NEBL: variants seen among roughly 807,000 people sequenced by gnomAD.
The protein encoded by NEBL is nebulette, also known as LIM and SH3 protein 2.
NEBL carries 122 observed loss-of-function variants against 140.2 expected under a neutral mutation model. The observed-to-expected ratio is 0.87, with a 90% CI of 0.75 to 1.01. The LOEUF is 1.01. Among genes scored for constraint, NEBL ranks in the 50% least tolerant of loss-of-function variants. NEBL has a pLI of 0.00. For synonymous variants in NEBL, 436 were observed against 398.9 expected (o/e 1.09, Z -1.11); for missense variants, 1,365 against 1,231.3 (o/e 1.11, Z -1.62).
intron 2 of NEBL, among the ~76,000 whole-genome samples, chr10:21,034,721 A>G: frequency 6.6e-6 from 1 of 152,210 alleles, no homozygotes; most frequent in Non-Finnish European, 1.5e-5. Flanking sequence ...TCCAAATTTT[A>G]TACATTAAAT....
chr10:21,218,518 C>T (rs979414775), intron 3 of NEBL, among the ~76,000 whole-genome samples: 1 of 151,938 alleles, frequency 6.6e-6, no homozygotes, highest in African/African-American at 2.4e-5. Flanking sequence ...ATCAGACATG[C>T]TGTGTGGTAT....
chr10:21,156,668 C>T (rs561580733), intron 2 of NEBL, among the ~76,000 whole-genome samples: 2 of 151,960 alleles, frequency 1.3e-5, no homozygotes, highest in East Asian at 3.9e-4. Flanking sequence ...TTCACTCACT[C>T]TTGAAATACA....
intron 3 of NEBL, chr10:21,019,981 C>T (rs974623830): frequency 5.2e-6 from 4 of 774,402 alleles, no homozygotes; most frequent in Non-Finnish European, 4.6e-6. Context: ...ACCCGGAATT[C>T]CCACACAGGC....
intron 12 of NEBL, among the ~76,000 whole-genome samples, chr10:20,844,414 A>AAG (rs1841708061): frequency 6.6e-6 from 1 of 150,702 alleles, no homozygotes; most frequent in South Asian, 2.1e-4. Context: ...ATTACATGAT[A>AAG]TACTACATTT....
intron 3 of NEBL, among the ~76,000 whole-genome samples, chr10:21,223,679 T>C (rs755694962): frequency 6.6e-6 from 1 of 152,272 alleles, no homozygotes; most frequent in Non-Finnish European, 1.5e-5. Flanking sequence ...TGTATGAGGG[T>C]TCCCTTTTCT....
At chr10:20,869,602 AGGGG>A (rs942280849) in intron 6 of NEBL, 134 bp downstream of exon 6, 1 of 693,742 alleles carries the variant, frequency 1.4e-6, no homozygotes, top group Admixed American at 2.2e-5. Flanking sequence ...TAGATAATTT[AGGGG>A]GGGAAATTGA....
At chr10:21,104,426 T>A (rs1837617646) in intron 2 of NEBL, among the ~76,000 whole-genome samples, 1 of 152,220 alleles carries the variant, frequency 6.6e-6, no homozygotes, top group Non-Finnish European at 1.5e-5. Context: ...TTTTGTAGTT[T>A]CCAGTGTAGA....
chr10:20,878,286 G>A (rs1174041785), intron 5 of NEBL, among the ~76,000 whole-genome samples: 1 of 152,128 alleles, frequency 6.6e-6, no homozygotes, highest in Non-Finnish European at 1.5e-5. Flanking sequence ...GATTTTGGTG[G>A]AAACATAAAA....
At chr10:21,065,531 A>G (rs934732642) in intron 2 of NEBL, among the ~76,000 whole-genome samples, 1 of 152,216 alleles carries the variant, frequency 6.6e-6, no homozygotes, top group Non-Finnish European at 1.5e-5. Context: ...GAAGGTGTGA[A>G]GGAAGAAACT....
chr10:20,959,092 A>G (rs1304853793), intron 4 of NEBL, among the ~76,000 whole-genome samples: 3 of 152,198 alleles, frequency 2.0e-5, no homozygotes, highest in Non-Finnish European at 4.4e-5. Context: ...TATACAAGAG[A>G]GATTAAAGGC....
chr10:20,815,577 T>TA (rs759482547), intron 22 of NEBL, 48 bp downstream of exon 22: 2 of 1,412,590 alleles, frequency 1.4e-6, no homozygotes, highest in South Asian at 2.3e-5. Flanking sequence ...AAGTAAATAA[T>TA]AAAAGACACA....
Position 20,953,851 on chromosome 10 carries a change from G to A in NEBL, c.357+7821C>T, listed in dbSNP as rs573750010. ...TATTTTACATATTATTACCTCATTCGTTTATTCCACATGCATTTATTGAGT... is the reference window on the plus strand; with the variant it reads ...TATTTTACATATTATTACCTCATTCATTTATTCCACATGCATTTATTGAGT... On this transcript the variant is annotated intron_variant, in intron 4 of 6. Transcript: ENST00000417816. 2.5e-3 allele frequency among the ~76,000 whole-genome samples: 379 copies of A among 151,998 alleles called. 2 individuals carry two copies. The highest frequency in any genetic ancestry group is 4.3e-3 in the Non-Finnish European group (295 of 67,960).
At chr10:21,039,011 T>C (rs568066411) in intron 2 of NEBL, among the ~76,000 whole-genome samples, 2 of 152,216 alleles carry the variant, frequency 1.3e-5, no homozygotes, top group Admixed American at 1.3e-4. Flanking sequence ...AAATGTCTTC[T>C]TTTAAGAAGT....
intron 4 of NEBL, among the ~76,000 whole-genome samples, chr10:20,957,639 C>A (rs1835867774): frequency 6.6e-6 from 1 of 152,086 alleles, no homozygotes; most frequent in African/African-American, 2.4e-5. Flanking sequence ...GGTACATACA[C>A]AGATATACGC....
chr10:21,219,173 TGA>T (rs1473240560), intron 3 of NEBL, among the ~76,000 whole-genome samples: 2 of 152,184 alleles, frequency 1.3e-5, no homozygotes, highest in Non-Finnish European at 2.9e-5. Context: ...TCTAAAAATG[TGA>T]GTTGGGTGTG....
At chr10:21,012,579 G>A (rs947318748) in intron 3 of NEBL, among the ~76,000 whole-genome samples, 3 of 151,680 alleles carry the variant, frequency 2.0e-5, no homozygotes, top group African/African-American at 7.3e-5. Flanking sequence ...TCCCTATGTT[G>A]CCTAGGCTGA....
At chr10:21,022,440 T>C (rs1284962507) in intron 2 of NEBL, among the ~76,000 whole-genome samples, 2 of 152,340 alleles carry the variant, frequency 1.3e-5, no homozygotes, top group East Asian at 3.9e-4. Context: ...TTAAATATTG[T>C]AGCTCCCACG....
At chr10:20,864,475 CCA>C (rs1225540268) in intron 7 of NEBL, among the ~76,000 whole-genome samples, 1 of 152,074 alleles carries the variant, frequency 6.6e-6, no homozygotes, top group African/African-American at 2.4e-5. Flanking sequence ...GGGTAAAATC[CCA>C]CAGAGTTCAA....
intron 1 of NEBL, among the ~76,000 whole-genome samples, chr10:21,285,683 G>C (rs74123938): frequency 3.3e-5 from 5 of 152,244 alleles, no homozygotes; most frequent in African/African-American, 1.2e-4. Context: ...GGCTTCACAG[G>C]CTTCACTGAA....
Sources: allele counts gnomAD v4.1 joint callset (sites outside exome capture counted in the v4.1 genomes callset), GRCh38; gene constraint gnomAD v4.1.1; transcripts MANE v1.5; gene names NCBI Gene and HGNC (gene_info 2026-07-23, HGNC 2026-07-21).